IL37: variants seen among roughly 807,000 people sequenced by gnomAD.
IL37 encodes the protein interleukin 37.
Under a neutral mutation model 15.4 loss-of-function variants are expected in IL37, and 15 were observed. That is an observed-to-expected ratio of 0.98 (90% CI 0.65 to 1.50). The LOEUF is 1.50. Among genes scored for constraint, IL37 ranks in the 40% most tolerant of loss-of-function variants. IL37 has a pLI of 0.00. For synonymous variants in IL37, 98 were observed against 97.4 expected (o/e 1.01, Z -0.03); for missense variants, 269 against 261.7 (o/e 1.03, Z -0.19).
rs1291348270 is a variant in IL37 at position 112,917,656 on chromosome 2, C to T, written c.287C>T (p.Ser96Leu). 3.8e-6 allele frequency: 6 copies of T among 1,595,332 alleles called. No individual in the cohort carries two copies. Among genetic ancestry groups the T allele is most frequent in the African/African-American group, 1.4e-5 (1 of 73,806 alleles). The change falls in exon 5 of 6, where the codon TCA (serine) becomes TTA (leucine). Residue 96 changes from serine (S) to leucine (L), a missense_variant. By Grantham distance (145) the Ser-to-Leu change is moderately radical. Transcript: ENST00000263326. ...IRPEIFFALASSLSSASAEKG... is the reference protein window; with the variant it reads ...IRPEIFFALALSLSSASAEKG... ...CCAGAGATCTTCTTTGCATTAGCCTCATCCTTGAGCTCAGCCTCTGCGGAG... is the reference window on the plus strand; with the variant it reads ...CCAGAGATCTTCTTTGCATTAGCCTTATCCTTGAGCTCAGCCTCTGCGGAG...
intron 1 of IL37, among the ~76,000 whole-genome samples, chr2:112,912,293 T>C (rs1418335926): frequency 6.6e-6 from 1 of 152,166 alleles, no homozygotes; most frequent in Non-Finnish European, 1.5e-5. Flanking sequence ...AATTTATATA[T>C]ATAAATATAT....
In IL37 at chr2:112,917,641, T is replaced by G; in HGVS notation, c.272T>G (p.Phe91Cys). The G allele has an allele frequency of 6.4e-7, 1 of 1,570,662 alleles. No individual in the cohort carries two copies. The highest frequency in any genetic ancestry group is 8.6e-7 in the Non-Finnish European group (1 of 1,160,430). The change falls in exon 5 of 6, where the codon TTC (phenylalanine) becomes TGC (cysteine). Residue 91 changes from phenylalanine to cysteine, a missense_variant. By Grantham distance (205) the Phe-to-Cys change is radical. Transcript: ENST00000263326. ...PDKNYIRPEI[F>C]FALASSLSSA... The stretch of plus-strand genomic sequence containing the variant: ...TCTGACTGTCTTTTTCCAGAGATCT[T>G]CTTTGCATTAGCCTCATCCTTGAGC...
intron 1 of IL37, among the ~76,000 whole-genome samples, chr2:112,911,843 G>A (rs998212066): frequency 1.3e-5 from 2 of 152,098 alleles, no homozygotes; most frequent in African/African-American, 4.8e-5. Context: ...TCTGTCAAGC[G>A]CCTCCAATTT....
intron 3 of IL37, among the ~76,000 whole-genome samples, chr2:112,915,507 A>G (rs1683287400): frequency 6.6e-6 from 1 of 152,194 alleles, no homozygotes; most frequent in Non-Finnish European, 1.5e-5. Flanking sequence ...AGAAAGACAG[A>G]GGCTTGGCAC....
rs750833867 is a variant in IL37, at chr2:112,918,682, T to C, written c.530T>C (p.Ile177Thr). The C allele has an allele frequency of 6.2e-6, 10 of 1,614,018 alleles. No homozygotes were observed. The highest frequency in any genetic ancestry group is 2.7e-5 in the African/African-American group (2 of 74,902). ...LESAAHPGWF[I>T]CTSCNCNEPV... Reference sequence around the variant, plus strand: ...TCGGCGGCTCACCCCGGATGGTTCATCTGCACCTCCTGCAATTGTAATGAG... The same window carrying C: ...TCGGCGGCTCACCCCGGATGGTTCACCTGCACCTCCTGCAATTGTAATGAG... Residue 177 changes from isoleucine (I) to threonine (T), a missense_variant, in exon 6 of 6, where the codon ATC becomes ACC. Transcript: ENST00000263326.
At chr2:112,918,130 G>T (rs1263754807) in intron 5 of IL37, among the ~76,000 whole-genome samples, 1 of 152,234 alleles carries the variant, frequency 6.6e-6, no homozygotes, top group South Asian at 2.1e-4. Context: ...GCTGCTGTAG[G>T]GTAGGAGGGT....
In IL37 at chr2:112,914,563, G is replaced by A. The variant is rs904638927; in HGVS notation, c.145+709G>A. Among the ~76,000 whole-genome samples the A allele has an allele frequency of 3.9e-5, 6 of 152,206 alleles. 1 individual carries two copies. The highest frequency in any genetic ancestry group is 1.4e-4 in the African/African-American group (6 of 41,456). On this transcript the variant is annotated intron_variant, in intron 3 of 5. Coordinates refer to ENST00000263326, the MANE Select transcript of IL37 (RefSeq NM_014439.4). ...AGTACAATGGCAGAGAGGACCAAAT[G>A]GGACCAGGTGTGTAAGGGTGCCTGG...
rs919540531 is a variant in IL37 at position 112,917,570 on chromosome 2, C to A, written c.266-65C>A. On this transcript the variant is annotated intron_variant, in intron 4 of 5. Coordinates refer to ENST00000263326, the MANE Select transcript of IL37 (RefSeq NM_014439.4). ...GGACTGTGCATCAGGCCTGAAACCCCAGCAGACAGGAGAGACCTTTCCCTG... is the reference window on the plus strand; with the variant it reads ...GGACTGTGCATCAGGCCTGAAACCCAAGCAGACAGGAGAGACCTTTCCCTG... The A allele has an allele frequency of 5.4e-5, 80 of 1,485,388 alleles. No individual in the cohort carries two copies. The Admixed American group carries it at 1.7e-3, about 32-fold the overall frequency. 92.0% of individuals were successfully genotyped at this position (1,485,388 alleles called of 1,614,324 possible). A position where few individuals can be genotyped will look rare whatever the true frequency, so the allele number is the denominator to read the frequency against.
At position 112,917,256 on chromosome 2, in the gene IL37, T is replaced by C. The variant is rs1172523407; in HGVS notation, c.265+8T>C. The C allele has an allele frequency of 4.3e-6, 7 of 1,613,646 alleles. No homozygotes were observed. The highest frequency in any genetic ancestry group is 5.9e-6 in the Non-Finnish European group (7 of 1,179,802). ...AAAACTACATACGCCCAGGTGACTC[T>C]CAGTTTTGGCTGTGTTTTCTGCCTC... On this transcript the variant is annotated splice_region_variant and intron_variant, in intron 4 of 5. Transcript: ENST00000263326.
At chr2:112,914,207 G>C (rs1683248577) in intron 3 of IL37, among the ~76,000 whole-genome samples, 1 of 152,078 alleles carries the variant, frequency 6.6e-6, no homozygotes, top group Non-Finnish European at 1.5e-5. Context: ...TGGGGGTGCA[G>C]GGACACCCAC....
chr2:112,917,466 G>T (rs558658542), intron 4 of IL37, among the ~76,000 whole-genome samples, 169 bp from the exon 5 acceptor site: 11 of 152,268 alleles, frequency 7.2e-5, no homozygotes, highest in Admixed American at 5.9e-4. Context: ...AAAGAAGGAG[G>T]CAGACACTTA....
intron 3 of IL37, 94 bp from the exon 4 acceptor site, chr2:112,917,035 G>C (rs1291991415): frequency 2.1e-6 from 3 of 1,412,692 alleles, no homozygotes. Flanking sequence ...AGGCAGGGTG[G>C]AGAGCTAGGG....
intron 2 of IL37, 37 bp from the exon 3 acceptor site, chr2:112,913,755 G>A (rs28947189): frequency 1.9e-5 from 30 of 1,583,352 alleles, no homozygotes; most frequent in Admixed American, 8.4e-5. Context: ...TGGAAAATCC[G>A]AATTGCATAT....
rs377121293 is a variant in IL37 at position 112,913,779 on chromosome 2, C to T, written c.83-13C>T. 26 of 1,611,870 alleles carry T rather than the reference C, an allele frequency of 1.6e-5. No individual in the cohort carries two copies. Among genetic ancestry groups the T allele is most frequent in the East Asian group, 1.6e-4 (7 of 44,856 alleles). ...CGAATTGCATATGCTAACCTCACTGCGTCTGACTGCAGACCCGGCTGGAAG... is the reference window on the plus strand; with the variant it reads ...CGAATTGCATATGCTAACCTCACTGTGTCTGACTGCAGACCCGGCTGGAAG... On this transcript the variant is annotated splice_polypyrimidine_tract_variant and intron_variant, in intron 2 of 5. Transcript: ENST00000263326.
At chr2:112,911,278 G>A (rs1198298767) in intron 1 of IL37, among the ~76,000 whole-genome samples, 30 bp downstream of exon 1, 16 of 152,312 alleles carry the variant, frequency 1.1e-4, no homozygotes, top group Non-Finnish European at 2.2e-4. Context: ...TGGCTTTCAA[G>A]GCCAACAGGA....
rs1424653082 is a variant in IL37, at chr2:112,913,053, C to G, written c.41C>G (p.Ser14Cys). Residue 14 changes from serine to cysteine, a missense_variant, in exon 2 of 6, where the codon TCT becomes TGT. Physicochemically the swap from Ser to Cys is moderately radical, Grantham distance 112. Transcript: ENST00000263326. ...GAGAACTCAGGAGTGAAAATGGGCTCTGAGGACTGGGAAAAAGATGAACCC... is the reference window on the plus strand; with the variant it reads ...GAGAACTCAGGAGTGAAAATGGGCTGTGAGGACTGGGAAAAAGATGAACCC... ...VGENSGVKMG[S>C]EDWEKDEPQC... 1 of 1,573,570 alleles carries G rather than the reference C, an allele frequency of 6.4e-7. No homozygotes were observed. The highest frequency in any genetic ancestry group is 8.6e-7 in the Non-Finnish European group (1 of 1,165,180).
intron 1 of IL37, among the ~76,000 whole-genome samples, chr2:112,911,840 A>C (rs1683184876): frequency 6.6e-6 from 1 of 152,164 alleles, no homozygotes; most frequent in African/African-American, 2.4e-5. Context: ...TTCTCTGTCA[A>C]GCGCCTCCAA....
chr2:112,915,794 G>A (rs1683298157), intron 3 of IL37, among the ~76,000 whole-genome samples: 2 of 152,192 alleles, frequency 1.3e-5, no homozygotes, highest in African/African-American at 4.8e-5. Flanking sequence ...CACTGAGAGT[G>A]TCCACGATGC....
rs1048233912 is a variant in IL37, at chr2:112,917,559, G to C, written c.266-76G>C. On this transcript the variant is annotated intron_variant, in intron 4 of 5. Transcript: ENST00000263326. ...TCAAGGGAGAGGGACTGTGCATCAG[G>C]CCTGAAACCCCAGCAGACAGGAGAG... 7 of 1,426,250 alleles carry C rather than the reference G, an allele frequency of 4.9e-6. No homozygotes were observed. In the African/African-American group the frequency reaches 8.6e-5, roughly 18 times the overall value. 88.3% of individuals were successfully genotyped at this position (1,426,250 alleles called of 1,614,324 possible).
Sources: gnomAD v4.1 joint callset for allele counts (sites outside exome capture counted in the v4.1 genomes callset) on GRCh38, gnomAD v4.1.1 for gene constraint, MANE v1.5 for transcripts, NCBI Gene and HGNC (gene_info 2026-07-23, HGNC 2026-07-21) for gene names.